The following DOCK2 variants were observed in gnomAD, a reference collection of about 807,000 sequenced individuals.
DOCK2 encodes dedicator of cytokinesis 2, also known as dedicator of cytokinesis protein 2.
Under a neutral mutation model 248.9 loss-of-function variants are expected in DOCK2, and 87 were observed. The ratio of observed to expected loss-of-function variants is 0.35; its 90% CI spans 0.29 to 0.42. The LOEUF (loss-of-function observed/expected upper bound fraction) is 0.42. Ranked by LOEUF, DOCK2 falls within the 10% of genes least tolerant of loss-of-function variation. The probability of loss-of-function intolerance (pLI) is 1.00; values close to 1 mark genes in which losing one functional copy is unlikely to be tolerated. For missense variants in DOCK2, 1,747 were observed against 2,300.2 expected, an observed-to-expected ratio of 0.76 and a Z score of 4.92; for synonymous variants, 805 against 821.6, an observed-to-expected ratio of 0.98 and a Z score of 0.35.
In DOCK2 at chr5:169,752,163, A is replaced by G. The variant is rs117128616; in HGVS notation, c.2376+4659A>G. On this transcript the variant is annotated intron_variant, in intron 23 of 51. Coordinates refer to ENST00000520908, the MANE Select transcript of DOCK2 (RefSeq NM_004946.3). Reference sequence around the variant, plus strand: ...CACATGTAAATTAGATAGAGCTCAAAAGTTAGTAAAAGACATATGGCGATG... The same window carrying G: ...CACATGTAAATTAGATAGAGCTCAAGAGTTAGTAAAAGACATATGGCGATG... Among the ~76,000 whole-genome samples, 39 of 152,292 alleles carry G rather than the reference A, an allele frequency of 2.6e-4. No individual in the cohort carries two copies. In the East Asian group the frequency reaches 7.1e-3, roughly 28 times the overall value.
In DOCK2 at chr5:169,883,493, C is replaced by T. The variant is rs183865899; in HGVS notation, c.2799+42641C>T. ...ACAATGTCCTGTTCAGAGAGGTTAC[C>T]GTTGACCTGGATGGCACTTTGGGAG... On this transcript the variant is annotated intron_variant, in intron 27 of 51. Transcript: ENST00000520908. 52 of 1,551,590 alleles carry T rather than the reference C, an allele frequency of 3.4e-5. No homozygotes were observed. Among genetic ancestry groups the T allele is most frequent in the Non-Finnish European group, 4.0e-5 (46 of 1,146,934 alleles).
rs561059508 is a variant in DOCK2 at position 169,912,300 on chromosome 5, T to A, written c.2800-70768T>A. Among the ~76,000 whole-genome samples, 8 of 152,228 alleles carry A rather than the reference T, an allele frequency of 5.3e-5. No individual in the cohort carries two copies. The South Asian group carries it at 1.7e-3, about 32-fold the overall frequency. ...ATGTCAAACTCCTGAGCCCAAGCCG[T>A]TATTTATGTTTGATTTACAAGTGTA... On this transcript the variant is annotated intron_variant, in intron 27 of 51. Transcript: ENST00000520908.
intron 21 of DOCK2, 146 bp downstream of exon 21, chr5:169,717,630 G>A (rs1406336832): frequency 4.1e-6 from 3 of 736,004 alleles, no homozygotes; most frequent in Non-Finnish European, 6.9e-6. Context: ...CTATGCTTGG[G>A]TTATTTGGAT....
chr5:169,985,621 C>T (rs995038221), intron 28 of DOCK2, among the ~76,000 whole-genome samples: 2 of 152,150 alleles, frequency 1.3e-5, no homozygotes, highest in East Asian at 1.9e-4. Context: ...AGAACATTTT[C>T]GCATCCCATA....
In DOCK2 at chr5:170,065,493, A is replaced by G. The variant is rs1011864747; in HGVS notation, c.4468-2017A>G. Among the ~76,000 whole-genome samples the G allele has an allele frequency of 2.6e-5, 4 of 152,184 alleles. No individual in the cohort carries two copies. In the South Asian group the frequency reaches 8.3e-4, roughly 32 times the overall value. On this transcript the variant is annotated intron_variant, in intron 44 of 51. Transcript: ENST00000520908. ...AACAACAACAAAAAAACCTAATGAT[A>G]TTGTATATTAGTCCGTTTTCACATT...
At chr5:170,026,542 G>A (rs1401328055) in intron 33 of DOCK2, among the ~76,000 whole-genome samples, 1 of 152,074 alleles carries the variant, frequency 6.6e-6, no homozygotes, top group East Asian at 1.9e-4. Flanking sequence ...CCCTCTCCAG[G>A]TGCCAGTTTA....
intron 27 of DOCK2, among the ~76,000 whole-genome samples, chr5:169,853,804 C>CTTTTTTTTTTTTTTTTTTTTTT (rs67124138): frequency 1.1e-4 from 6 of 56,858 alleles, no homozygotes; most frequent in Admixed American, 3.3e-4. Context: ...GGAAAAACAA[C>CTTTTTTTTTTTTTTTTTTTTTT]TTTTTTTTTT....
intron 26 of DOCK2, among the ~76,000 whole-genome samples, chr5:169,804,921 G>A (rs116190777): frequency 0.022 from 3,285 of 152,214 alleles, 59 homozygotes; most frequent in Non-Finnish European, 0.032. Context: ...ATGATGTTAG[G>A]GTGATGATGT....
chr5:169,933,624 C>T (rs1023968716), intron 27 of DOCK2, among the ~76,000 whole-genome samples: 4 of 152,182 alleles, frequency 2.6e-5, no homozygotes, highest in Non-Finnish European at 4.4e-5. Flanking sequence ...CTTCGTTCGG[C>T]CTCCTTCCTT....
intron 27 of DOCK2, among the ~76,000 whole-genome samples, chr5:169,975,294 T>C (rs1301618576): frequency 6.6e-6 from 1 of 152,196 alleles, no homozygotes; most frequent in African/African-American, 2.4e-5. Flanking sequence ...TAGAAAGACA[T>C]GGAAAATGCT....
intron 1 of DOCK2, among the ~76,000 whole-genome samples, chr5:169,642,784 C>T (rs1256044183): frequency 6.6e-6 from 1 of 152,188 alleles, no homozygotes; most frequent in Non-Finnish European, 1.5e-5. Context: ...CAGTGGACAT[C>T]TTGCCCCTGA....
chr5:169,802,714 T>C (rs1323433600), intron 25 of DOCK2, among the ~76,000 whole-genome samples: 1 of 152,012 alleles, frequency 6.6e-6, no homozygotes, highest in Non-Finnish European at 1.5e-5. Context: ...TCTTGGAAGT[T>C]TATAGTGACA....
intron 25 of DOCK2, among the ~76,000 whole-genome samples, chr5:169,801,856 T>C (rs1767012793): frequency 1.3e-5 from 2 of 151,246 alleles, no homozygotes; most frequent in East Asian, 2.0e-4. Flanking sequence ...AGTTTTTAAG[T>C]ACCTAATGGG....
chr5:169,733,351 A>T (rs1236499895), intron 22 of DOCK2, among the ~76,000 whole-genome samples: 1 of 151,874 alleles, frequency 6.6e-6, no homozygotes, highest in Non-Finnish European at 1.5e-5. Flanking sequence ...CTCCTTCTTA[A>T]ATATCATGCT....
intron 4 of DOCK2, among the ~76,000 whole-genome samples, 198 bp from the exon 5 acceptor site, chr5:169,670,880 C>A (rs533992718): frequency 3.3e-5 from 5 of 152,248 alleles, no homozygotes; most frequent in Non-Finnish European, 7.4e-5. Flanking sequence ...AAATAATGAG[C>A]CCACCCTAGC....
chr5:169,874,305 C>T (rs749260018), intron 27 of DOCK2, among the ~76,000 whole-genome samples: 8 of 149,572 alleles, frequency 5.3e-5, no homozygotes, highest in Non-Finnish European at 7.4e-5. Flanking sequence ...CCCAGCTACT[C>T]AGGAGGCTGA....
intron 25 of DOCK2, among the ~76,000 whole-genome samples, chr5:169,797,668 A>G (rs183271925): frequency 6.6e-6 from 1 of 152,264 alleles, no homozygotes; most frequent in African/African-American, 2.4e-5. Context: ...CTCGGTGGTA[A>G]GTCTCCCAGC....
chr5:169,743,680 GAT>G (rs1763451067), intron 22 of DOCK2, among the ~76,000 whole-genome samples: 1 of 151,984 alleles, frequency 6.6e-6, no homozygotes, highest in Non-Finnish European at 1.5e-5. Flanking sequence ...AGTCTGGCTT[GAT>G]AGCAAAGCGC....
At chr5:169,807,466 A>C (rs992174218) in intron 26 of DOCK2, among the ~76,000 whole-genome samples, 4 of 152,134 alleles carry the variant, frequency 2.6e-5, no homozygotes, top group Non-Finnish European at 5.9e-5. Context: ...TTCACTGGAA[A>C]TAGAGGAATA....
Sources: gnomAD v4.1 joint callset for allele counts (sites outside exome capture counted in the v4.1 genomes callset) on GRCh38, gnomAD v4.1.1 for gene constraint, MANE v1.5 for transcripts, NCBI Gene and HGNC (gene_info 2026-07-23, HGNC 2026-07-21) for gene names.